ITPRID2: variants seen among roughly 807,000 people sequenced by gnomAD.
ITPRID2 encodes the protein ITPR interacting domain containing 2.
In ITPRID2, 60 loss-of-function variants were observed where a neutral mutation model predicts 124.3. The ratio of observed to expected loss-of-function variants is 0.48; its 90% CI spans 0.39 to 0.60. The LOEUF is 0.60. Ranked by LOEUF, ITPRID2 falls within the 20% of genes least tolerant of loss-of-function variation. The pLI, the probability that ITPRID2 is intolerant of heterozygous loss-of-function variation, is 0.00. For synonymous variants in ITPRID2, 521 were observed against 542.9 expected (o/e 0.96, Z 0.56); for missense variants, 1,553 against 1,512.2 (o/e 1.03, Z -0.45).
At position 181,896,512 on chromosome 2, in the gene ITPRID2, G is replaced by A. The variant is rs924650609; in HGVS notation, c.308-396G>A. On this transcript the variant is annotated intron_variant, in intron 3 of 17. Transcript: ENST00000431877. This position sits in a 1 kb window ranked among gnomAD's most constrained non-coding sequence, Gnocchi z 4.3. The stretch of plus-strand genomic sequence containing the variant: ...GTACAACAAGCATGTGCAGGCAGTG[G>A]CAAGGCATATAAAAAAACATTTACA... 6.6e-6 allele frequency among the ~76,000 whole-genome samples: 1 copy of A among 151,912 alleles called. No homozygotes were observed. The highest frequency in any genetic ancestry group is 1.5e-5 in the Non-Finnish European group (1 of 67,854).
rs1180826191 is a variant in ITPRID2 at position 181,892,258 on chromosome 2, G to T, written c.192G>T (p.Leu64=). The change falls in exon 1 of 18, where the codon CTG becomes CTT. Residue 64 remains leucine (L), a synonymous_variant. Transcript: ENST00000431877. This position sits in a 1 kb window ranked among gnomAD's most constrained non-coding sequence, Gnocchi z 5.2. ...AGGAGGACCTCCCCGGCGCGCAGCT[G>T]CCGGCAGCGGGGGGAAGAGGTCGGT... is the stretch of plus-strand genomic sequence containing the variant. ...DEEEDLPGAQ[L]PAAGGRGNVP... The T allele has an allele frequency of 2.6e-6, 4 of 1,548,468 alleles. No homozygotes were observed. In the South Asian group the frequency reaches 3.6e-5, roughly 14 times the overall value.
At chr2:181,895,767 T>G (rs1692151700) in intron 2 of ITPRID2, among the ~76,000 whole-genome samples, 1 of 152,150 alleles carries the variant, frequency 6.6e-6, no homozygotes, top group Admixed American at 6.5e-5. Flanking sequence ...TTCAAATCAT[T>G]TGTCATTGCC....
chr2:181,916,208 G>A lies in ITPRID2; in HGVS notation c.2568G>A (p.Arg856=). ...CCATCCACTCTGAGTGGCAAGAAAG[G>A]CCCCTGTGTGAGCACACAAGAACTC... ...LHSIHSEWQE[R]PLCEHTRTLS... is the part of the protein sequence containing the mutation. Residue 856 remains arginine (R), a synonymous_variant, in exon 11 of 18, where the codon AGG becomes AGA. Transcript: ENST00000431877. The A allele has an allele frequency of 6.2e-7, 1 of 1,614,110 alleles. No individual in the cohort carries two copies. Among genetic ancestry groups the A allele is most frequent in the Non-Finnish European group, 8.5e-7 (1 of 1,180,024 alleles).
rs1477604154 is a variant in ITPRID2 at position 181,922,229 on chromosome 2, C to T, written c.3492C>T (p.Gly1164=). Residue 1164 remains glycine, a synonymous_variant, in exon 16 of 18, where the codon GGC becomes GGT. Transcript: ENST00000431877. The part of the protein sequence containing the change: ...ALTPTAPSRT[G]SVQTPPDLES... Reference sequence around the variant, plus strand: ...CGCCAACAGCTCCTTCTAGAACAGGCTCTGTGCAGACACCTCCAGATTTGG... The same window carrying T: ...CGCCAACAGCTCCTTCTAGAACAGGTTCTGTGCAGACACCTCCAGATTTGG... 6.2e-7 allele frequency: 1 copy of T among 1,614,258 alleles called. No homozygotes were observed. The highest frequency in any genetic ancestry group is 8.5e-7 in the Non-Finnish European group (1 of 1,180,048).
At chr2:181,895,423 A>T (rs1289327397) in intron 2 of ITPRID2, among the ~76,000 whole-genome samples, 3 of 152,084 alleles carry the variant, frequency 2.0e-5, no homozygotes, top group Admixed American at 2.0e-4. Flanking sequence ...TTCAAAGTTA[A>T]ATGAAGAATA....
At chr2:181,924,798 T>C (rs1694728119) in intron 16 of ITPRID2, among the ~76,000 whole-genome samples, 1 of 152,248 alleles carries the variant, frequency 6.6e-6, no homozygotes, top group Non-Finnish European at 1.5e-5. Context: ...GCTAAACTTT[T>C]GTCATATTAA....
rs770224701 is a variant in ITPRID2 at position 181,915,440 on chromosome 2, C to T, written c.1800C>T (p.Asn600=). The change falls in exon 11 of 18, where the codon AAC becomes AAT. Residue 600 remains asparagine (N), a synonymous_variant. Coordinates refer to ENST00000431877, the MANE Select transcript of ITPRID2 (RefSeq NM_001130445.3). ...GTAGCCAGGATTTCCCTCAGTGCAACACCATTGAGAATACAGGAACTAAAC... is the reference window on the plus strand; with the variant it reads ...GTAGCCAGGATTTCCCTCAGTGCAATACCATTGAGAATACAGGAACTAAAC... ...KSGSQDFPQC[N]TIENTGTKQS... The T allele has an allele frequency of 6.2e-7, 1 of 1,614,140 alleles. No individual in the cohort carries two copies. Among genetic ancestry groups the T allele is most frequent in the South Asian group, 1.1e-5 (1 of 91,082 alleles).
At chr2:181,912,878 A>G (rs1408994364) in intron 9 of ITPRID2, among the ~76,000 whole-genome samples, 1 of 152,190 alleles carries the variant, frequency 6.6e-6, no homozygotes, top group African/African-American at 2.4e-5. Flanking sequence ...AAATAAGCAG[A>G]AAGATTTTAT....
chr2:181,918,160 T>G (rs1403954107), intron 11 of ITPRID2: 1 of 279,514 alleles, frequency 3.6e-6, no homozygotes, highest in African/African-American at 2.3e-5. Flanking sequence ...CTTTTATGTT[T>G]TTATCTCACT....
In ITPRID2 at chr2:181,930,468, G is replaced by A. The variant is rs1695197182; in HGVS notation, c.*921G>A. 2.0e-5 allele frequency: 3 copies of A among 152,208 alleles called. No homozygotes were observed. The highest frequency in any genetic ancestry group is 7.3e-5 in the African/African-American group (3 of 41,254). The allele number at this position is 152,208 out of a possible 1,614,324, so 9.4% of individuals were successfully genotyped here. ...AAAACTTTGTTTTTATGAAAAAAAAGGAAAATGGTTTCCCATTTGGTTTTA... is the reference window on the plus strand; with the variant it reads ...AAAACTTTGTTTTTATGAAAAAAAAAGAAAATGGTTTCCCATTTGGTTTTA... On this transcript the variant is annotated 3_prime_UTR_variant, in exon 18 of 18. Transcript: ENST00000431877.
chr2:181,899,564 A>C (rs552354105), intron 6 of ITPRID2, among the ~76,000 whole-genome samples: 2 of 152,360 alleles, frequency 1.3e-5, no homozygotes, highest in East Asian at 3.9e-4. Context: ...AGCCAGGCCC[A>C]GTGGCTGACA....
Position 181,929,540 on chromosome 2 carries a change from ACTTCT to A in ITPRID2, c.*14-17_*14-13del, listed in dbSNP as rs764194665. On this transcript the variant is annotated splice_polypyrimidine_tract_variant and intron_variant, in intron 17 of 17. Coordinates refer to ENST00000431877, the MANE Select transcript of ITPRID2 (RefSeq NM_001130445.3). The stretch of plus-strand genomic sequence containing the variant: ...AGTATTTGAAAGAGGTTTAAAACTG[ACTTCT>A]CTTTTCTTTTTTAAGGTTGGCATGG... The A allele has an allele frequency of 2.1e-5, 33 of 1,572,698 alleles. No homozygotes were observed. The highest frequency in any genetic ancestry group is 6.8e-5 in the African/African-American group (5 of 73,762).
chr2:181,908,969 C>T (rs1035002991), intron 8 of ITPRID2, among the ~76,000 whole-genome samples: 4 of 151,886 alleles, frequency 2.6e-5, no homozygotes, highest in Non-Finnish European at 5.9e-5. Context: ...CAGAAATTAC[C>T]GTGCATCTTG....
intron 9 of ITPRID2, among the ~76,000 whole-genome samples, chr2:181,912,124 C>T (rs17587367): frequency 0.36 from 54,411 of 152,156 alleles, 12,228 homozygotes; most frequent in East Asian, 0.55. Context: ...ACTTCTAAAT[C>T]GTTTAAATGA....
Position 181,907,864 on chromosome 2 carries a change from T to C in ITPRID2, c.1414-2035T>C, listed in dbSNP as rs769811454. Among the ~76,000 whole-genome samples, 6 of 152,232 alleles carry C rather than the reference T, an allele frequency of 3.9e-5. No homozygotes were observed. Among genetic ancestry groups the C allele is most frequent in the Non-Finnish European group, 8.8e-5 (6 of 68,042 alleles). ...ACAAGAAGAATCCCAACTTTAGTTT[T>C]ATTAGTAAAATGTGACTGTCTCAGC... On this transcript the variant is annotated intron_variant, in intron 8 of 17. Coordinates refer to ENST00000431877, the MANE Select transcript of ITPRID2 (RefSeq NM_001130445.3). This position sits in a 1 kb window ranked among gnomAD's most constrained non-coding sequence, Gnocchi z 5.1.
At chr2:181,927,856 GA>G (rs1054079004) in intron 16 of ITPRID2, among the ~76,000 whole-genome samples, 4 of 152,170 alleles carry the variant, frequency 2.6e-5, no homozygotes, top group Non-Finnish European at 4.4e-5. Flanking sequence ...TTATTTTTTT[GA>G]CATGAGGTAA....
intron 4 of ITPRID2, among the ~76,000 whole-genome samples, chr2:181,898,344 A>T (rs1574206948): frequency 6.6e-6 from 1 of 152,046 alleles, no homozygotes. Flanking sequence ...GTTCTATCAT[A>T]AAGTTGAAAG....
chr2:181,925,621 C>T (rs997660337), intron 16 of ITPRID2, among the ~76,000 whole-genome samples: 4 of 152,118 alleles, frequency 2.6e-5, no homozygotes, highest in African/African-American at 4.8e-5. Flanking sequence ...TTCATTCAGA[C>T]GCTTACTGAG....
chr2:181,895,940 G>T (rs2125061114), intron 2 of ITPRID2, 90 bp from the exon 3 acceptor site: 1 of 1,032,000 alleles, frequency 9.7e-7, no homozygotes, highest in South Asian at 1.4e-5. Context: ...GAAGCTTATT[G>T]AGCTGTAACT....
Sources: allele counts gnomAD v4.1 joint callset (sites outside exome capture counted in the v4.1 genomes callset), GRCh38; gene constraint gnomAD v4.1.1; non-coding constraint Gnocchi (gnomAD v3.1); transcripts MANE v1.5; gene names NCBI Gene and HGNC (gene_info 2026-07-23, HGNC 2026-07-21).